ZEB1: variants seen among roughly 807,000 people sequenced by gnomAD.
ZEB1 encodes the protein zinc finger E-box binding homeobox 1.
Under a neutral mutation model 84.9 loss-of-function variants are expected in ZEB1, and 21 were observed. The ratio of observed to expected loss-of-function variants is 0.25; its 90% CI spans 0.18 to 0.36. ZEB1 has a LOEUF of 0.36. Ranked by LOEUF, ZEB1 falls within the 10% of genes least tolerant of loss-of-function variation. The pLI, the probability that ZEB1 is intolerant of heterozygous loss-of-function variation, is 1.00. For missense variants in ZEB1, 1,104 were observed against 1,330.2 expected (o/e 0.83, Z 2.65); for synonymous variants, 420 against 471.1 (o/e 0.89, Z 1.41).
At position 31,321,073 on chromosome 10, in the gene ZEB1, T is replaced by TA. The variant is rs1001833180; in HGVS notation, c.58+1782dup. The TA allele has an allele frequency of 1.9e-5, 17 of 881,086 alleles. No individual in the cohort carries two copies. The Admixed American group carries it at 8.5e-4, about 44-fold the overall frequency. 54.6% of individuals were successfully genotyped at this position (881,086 alleles called of 1,614,324 possible). The stretch of plus-strand genomic sequence containing the variant: ...CTGCAGCGTCGAGAAAACGAGGAAA[T>TA]ACGTGTTTAGGAGAAAACTCTCTCG... On this transcript the variant is annotated intron_variant, in intron 1 of 8. Transcript: ENST00000424869.
At chr10:31,512,142 GAT>G (rs1254344972) in intron 5 of ZEB1, among the ~76,000 whole-genome samples, 2 of 152,102 alleles carry the variant, frequency 1.3e-5, no homozygotes, top group Non-Finnish European at 2.9e-5. Context: ...TTAGCGCTGT[GAT>G]GTGGCCACAG....
intron 1 of ZEB1, among the ~76,000 whole-genome samples, chr10:31,444,112 G>A (rs962738313): frequency 6.6e-6 from 1 of 151,242 alleles, no homozygotes; most frequent in African/African-American, 2.4e-5. Flanking sequence ...ATTCTAACTG[G>A]TGTGAGATGG....
At position 31,388,472 on chromosome 10, in the gene ZEB1, G is replaced by T. The variant is rs562946814; in HGVS notation, c.58+69180G>T. ...TTCTTCCTATAGCTGTATAATAGAA[G>T]ATATTAAAGAGGAAAAATACTTGTG... On this transcript the variant is annotated intron_variant, in intron 1 of 8. Transcript: ENST00000424869. 6.6e-5 allele frequency among the ~76,000 whole-genome samples: 10 copies of T among 152,146 alleles called. 1 individual carries two copies. Among genetic ancestry groups the T allele is most frequent in the African/African-American group, 2.4e-4 (10 of 41,546 alleles).
chr10:31,374,138 A>G (rs954846440), intron 1 of ZEB1, among the ~76,000 whole-genome samples: 2 of 151,870 alleles, frequency 1.3e-5, no homozygotes, highest in Non-Finnish European at 3.0e-5. Flanking sequence ...AGATTAGCAT[A>G]TTAATAATAG....
At chr10:31,474,570 G>A (rs2063784395) in intron 2 of ZEB1, among the ~76,000 whole-genome samples, 1 of 152,120 alleles carries the variant, frequency 6.6e-6, no homozygotes, top group Admixed American at 6.5e-5. Context: ...AACAGGTACT[G>A]GAGAGGATGT....
chr10:31,377,590 C>T (rs1277136984), intron 1 of ZEB1, among the ~76,000 whole-genome samples: 1 of 151,622 alleles, frequency 6.6e-6, no homozygotes, highest in Non-Finnish European at 1.5e-5. Context: ...GTATAATGCC[C>T]TTCAAATTGA....
At chr10:31,392,179 A>T (rs1036678545) in intron 1 of ZEB1, among the ~76,000 whole-genome samples, 14 of 152,162 alleles carry the variant, frequency 9.2e-5, no homozygotes, top group Admixed American at 4.6e-4. Context: ...TAACATTAAA[A>T]TGGCCTTCCA....
intron 1 of ZEB1, chr10:31,321,816 G>A: frequency 2.2e-6 from 1 of 463,096 alleles, no homozygotes; most frequent in South Asian, 2.9e-5. Flanking sequence ...GGAAAGAGAG[G>A]TTCTTGATCG....
intron 8 of ZEB1, 129 bp from the exon 9 acceptor site, chr10:31,526,543 A>C: frequency 8.6e-7 from 1 of 1,163,094 alleles, no homozygotes; most frequent in Non-Finnish European, 1.2e-6. Flanking sequence ...AGAGTTTGGG[A>C]CCTGGAAATG....
intron 1 of ZEB1, among the ~76,000 whole-genome samples, chr10:31,385,762 G>A (rs1024645067): frequency 2.3e-4 from 35 of 151,912 alleles, no homozygotes; most frequent in African/African-American, 2.9e-4. Flanking sequence ...TCCTGACCTC[G>A]TAATCCGCCA....
intron 1 of ZEB1, among the ~76,000 whole-genome samples, chr10:31,409,415 C>T (rs1230303459): frequency 6.6e-6 from 1 of 152,100 alleles, no homozygotes; most frequent in African/African-American, 2.4e-5. Flanking sequence ...TTACTGTAGC[C>T]TTGTAGTATA....
intron 1 of ZEB1, among the ~76,000 whole-genome samples, chr10:31,354,743 CTT>C: frequency 6.6e-6 from 1 of 152,196 alleles, no homozygotes; most frequent in Non-Finnish European, 1.5e-5. Context: ...AGAATTATCA[CTT>C]GTGAAACCTT....
intron 1 of ZEB1, among the ~76,000 whole-genome samples, chr10:31,443,368 CCTT>C (rs1263144656): frequency 1.3e-5 from 2 of 150,398 alleles, no homozygotes; most frequent in African/African-American, 4.9e-5. Context: ...CTTATAATGG[CCTT>C]CTTATTCCAG....
At chr10:31,466,682 A>T (rs2062470147) in intron 2 of ZEB1, among the ~76,000 whole-genome samples, 1 of 152,234 alleles carries the variant, frequency 6.6e-6, no homozygotes, top group Non-Finnish European at 1.5e-5. Context: ...AAACAACTTA[A>T]TATTGGACCT....
At chr10:31,523,613 A>T (rs1299109455) in intron 7 of ZEB1, among the ~76,000 whole-genome samples, 1 of 152,260 alleles carries the variant, frequency 6.6e-6, no homozygotes, top group East Asian at 1.9e-4. Context: ...ACATGAAACT[A>T]GGTAAACTCT....
intron 1 of ZEB1, among the ~76,000 whole-genome samples, chr10:31,327,840 T>C (rs948239394): frequency 7.2e-5 from 11 of 152,246 alleles, no homozygotes; most frequent in African/African-American, 2.7e-4. Flanking sequence ...TACATTTTGC[T>C]AATTTTTCAG....
intron 1 of ZEB1, among the ~76,000 whole-genome samples, chr10:31,412,229 G>A (rs1287567647): frequency 6.6e-6 from 1 of 152,088 alleles, no homozygotes; most frequent in African/African-American, 2.4e-5. Context: ...GATGTCACTT[G>A]TAGAATTTGT....
At position 31,461,863 on chromosome 10, in the gene ZEB1, A is replaced by G. The variant is rs1278985958; in HGVS notation, c.259+626A>G. Among the ~76,000 whole-genome samples, 3 of 152,166 alleles carry G rather than the reference A, an allele frequency of 2.0e-5. No individual in the cohort carries two copies. In the East Asian group the frequency reaches 5.8e-4, roughly 29 times the overall value. On this transcript the variant is annotated intron_variant, in intron 2 of 8. Coordinates refer to ENST00000424869, the MANE Select transcript of ZEB1 (RefSeq NM_001174096.2). The stretch of plus-strand genomic sequence containing the variant: ...GGACCTAGTCTTTTATTCTAGCTCT[A>G]AAATTTCTTCTTTCTACTTTTCCTA...
intron 1 of ZEB1, among the ~76,000 whole-genome samples, chr10:31,419,687 TG>T (rs898785772): frequency 3.3e-5 from 5 of 152,204 alleles, no homozygotes; most frequent in African/African-American, 1.2e-4. Flanking sequence ...GTTGCTGATT[TG>T]TACTAATTTT....
Sources: allele counts gnomAD v4.1 joint callset (sites outside exome capture counted in the v4.1 genomes callset), GRCh38; gene constraint gnomAD v4.1.1; transcripts MANE v1.5; gene names NCBI Gene and HGNC (gene_info 2026-07-23, HGNC 2026-07-21).